The following SVEP1 variants were observed in gnomAD, a reference collection of about 807,000 sequenced individuals.
SVEP1 encodes the protein sushi, von Willebrand factor type A, EGF and pentraxin domain-containing protein 1.
In SVEP1, 164 loss-of-function variants were observed where a neutral mutation model predicts 367.3. That is an observed-to-expected ratio of 0.45 (90% CI 0.39 to 0.51). The LOEUF (loss-of-function observed/expected upper bound fraction) is 0.51. Among genes scored for constraint, SVEP1 ranks in the 20% least tolerant of loss-of-function variants. The pLI is 0.00. For missense variants in SVEP1, 4,117 were observed against 4,425.3 expected, an observed-to-expected ratio of 0.93 and a Z score of 1.98; for synonymous variants, 1,666 against 1,611.6, an observed-to-expected ratio of 1.03 and a Z score of -0.81.
At chr9:110,534,618 G>A (rs948091766) in intron 3 of SVEP1, among the ~76,000 whole-genome samples, 1 of 152,140 alleles carries the variant, frequency 6.6e-6, no homozygotes, top group African/African-American at 2.4e-5. Context: ...TTCCACAATG[G>A]TTGAACTAAT....
At chr9:110,435,045 A>C (rs1221056196) in intron 29 of SVEP1, among the ~76,000 whole-genome samples, 196 bp downstream of exon 29, 1 of 152,144 alleles carries the variant, frequency 6.6e-6, no homozygotes, top group Non-Finnish European at 1.5e-5. Flanking sequence ...ATATTTTGTT[A>C]TACAGAATAT....
chr9:110,551,894 T>C (rs940286376), intron 1 of SVEP1, among the ~76,000 whole-genome samples: 15 of 152,070 alleles, frequency 9.9e-5, no homozygotes, highest in Non-Finnish European at 2.1e-4. Context: ...GAAGAGATGA[T>C]TGACAAGCCT....
chr9:110,395,217 A>G (rs964623105), intron 40 of SVEP1, among the ~76,000 whole-genome samples: 4 of 152,186 alleles, frequency 2.6e-5, no homozygotes, highest in Non-Finnish European at 4.4e-5. Flanking sequence ...TAAAGAAAAG[A>G]ATTTTCAACC....
In SVEP1 at chr9:110,471,368, C is replaced by T. The variant is rs1251821108; in HGVS notation, c.2994G>A (p.Met998Ile). ...GATCACAGGGAACAGTCTTACCACA[C>T]ATACGCCCTCTCAGCACTGAGCCTG... ...CRPGSVLRGR[M>I]CVNCPLGTYY... Residue 998 changes from methionine (M) to isoleucine (I), a missense_variant, in exon 16 of 48, where the codon ATG (methionine) becomes ATA (isoleucine). By Grantham distance (10) the Met-to-Ile change is conservative. Coordinates refer to ENST00000374469, the MANE Select transcript of SVEP1 (RefSeq NM_153366.4). The T allele has an allele frequency of 3.1e-6, 5 of 1,613,514 alleles. No individual in the cohort carries two copies. In the African/African-American group the frequency reaches 5.3e-5, roughly 17 times the overall value.
chr9:110,375,981 C>T (rs118111900), intron 45 of SVEP1, among the ~76,000 whole-genome samples: 435 of 151,746 alleles, frequency 2.9e-3, no homozygotes, highest in Non-Finnish European at 5.1e-3. Context: ...TGAGGACTGA[C>T]GGTGACTGAA....
intron 2 of SVEP1, among the ~76,000 whole-genome samples, chr9:110,548,801 T>G (rs914183625): frequency 6.6e-6 from 1 of 152,120 alleles, no homozygotes; most frequent in Non-Finnish European, 1.5e-5. Context: ...CTCCAAAAAC[T>G]TTGGCCAGCA....
chr9:110,461,272 T>C (rs1382342198), intron 18 of SVEP1, among the ~76,000 whole-genome samples: 2 of 152,230 alleles, frequency 1.3e-5, no homozygotes, highest in Non-Finnish European at 2.9e-5. Context: ...GTTGGGGTTT[T>C]AGACAGCAAC....
chr9:110,423,928 T>C (rs969251954), intron 36 of SVEP1, among the ~76,000 whole-genome samples: 18 of 152,192 alleles, frequency 1.2e-4, no homozygotes, highest in Non-Finnish European at 1.2e-4. Context: ...AAGTAATTTC[T>C]GGGAAGAAAC....
intron 28 of SVEP1, 67 bp downstream of exon 28, chr9:110,436,313 G>A: frequency 6.3e-7 from 1 of 1,588,922 alleles, no homozygotes; most frequent in South Asian, 1.1e-5. Flanking sequence ...TCATTAGGCT[G>A]TTCACATTTT....
chr9:110,524,630 ACT>A (rs1318796172), intron 3 of SVEP1, among the ~76,000 whole-genome samples: 1 of 152,046 alleles, frequency 6.6e-6, no homozygotes, highest in Non-Finnish European at 1.5e-5. Context: ...TATGATGAAA[ACT>A]CTCAGAAAAG....
At chr9:110,484,548 C>A (rs374963560) in intron 9 of SVEP1, among the ~76,000 whole-genome samples, 1 of 151,966 alleles carries the variant, frequency 6.6e-6, no homozygotes, top group Non-Finnish European at 1.5e-5. Flanking sequence ...GATTTTATGA[C>A]GAAAACATCA....
intron 41 of SVEP1, among the ~76,000 whole-genome samples, chr9:110,388,318 G>A (rs1213283593): frequency 6.6e-6 from 1 of 152,156 alleles, no homozygotes; most frequent in Non-Finnish European, 1.5e-5. Flanking sequence ...GGGATGCTAT[G>A]AGGAAAATAG....
chr9:110,438,177 ATTTTTTTTTTTTTT>A (rs10593866), intron 27 of SVEP1, among the ~76,000 whole-genome samples: 1 of 75,538 alleles, frequency 1.3e-5, no homozygotes, highest in Non-Finnish European at 2.4e-5. Flanking sequence ...TAGTTATGCT[ATTTTTTTTTTTTTT>A]TTTTTTTTTT....
intron 17 of SVEP1, among the ~76,000 whole-genome samples, chr9:110,467,617 A>T (rs887716026): frequency 2.0e-5 from 3 of 147,742 alleles, no homozygotes; most frequent in African/African-American, 5.0e-5. Context: ...AGTATGTGGC[A>T]TCTCCCCTGT....
chr9:110,505,370 C>T (rs1413057882), intron 5 of SVEP1, among the ~76,000 whole-genome samples: 2 of 152,198 alleles, frequency 1.3e-5, no homozygotes, highest in African/African-American at 2.4e-5. Context: ...AGTTATCCCT[C>T]ATCCACCAGG....
intron 18 of SVEP1, 53 bp from the exon 19 acceptor site, chr9:110,459,166 T>A: frequency 6.5e-7 from 1 of 1,542,056 alleles, no homozygotes; most frequent in Non-Finnish European, 8.9e-7. Context: ...CACCCTACAT[T>A]TGAAAGAAGT....
intron 27 of SVEP1, among the ~76,000 whole-genome samples, chr9:110,437,165 C>A (rs1303138631): frequency 1.3e-5 from 2 of 152,082 alleles, no homozygotes; most frequent in African/African-American, 4.8e-5. Context: ...TTGTTTCTGG[C>A]CAATGAAGAG....
intron 3 of SVEP1, among the ~76,000 whole-genome samples, chr9:110,540,465 G>A (rs1365601598): frequency 6.6e-6 from 1 of 151,914 alleles, no homozygotes; most frequent in African/African-American, 2.4e-5. Flanking sequence ...AACAACAACA[G>A]CAAAATACCA....
intron 3 of SVEP1, among the ~76,000 whole-genome samples, chr9:110,528,156 G>GTGTATATATATATATATATATATATATA: frequency 2.9e-5 from 1 of 33,940 alleles, no homozygotes; most frequent in Admixed American, 4.6e-4. Context: ...GTGTGTGTGT[G>GTGTATATATATATATATATATATATATA]TATATATATA....
Sources: gnomAD v4.1 joint callset for allele counts (sites outside exome capture counted in the v4.1 genomes callset) on GRCh38, gnomAD v4.1.1 for gene constraint, MANE v1.5 for transcripts, NCBI Gene and HGNC (gene_info 2026-07-23, HGNC 2026-07-21) for gene names.